The following NALCN variants were observed in gnomAD, a reference collection of about 807,000 sequenced individuals.
The protein encoded by NALCN is sodium leak channel, non-selective, also known as sodium leak channel NALCN.
NALCN carries 111 observed loss-of-function variants against 225.3 expected under a neutral mutation model. That is an observed-to-expected ratio of 0.49 (90% CI 0.42 to 0.58). NALCN has a LOEUF of 0.58. NALCN is among the 20% of genes least tolerant of loss of function. NALCN has a pLI of 0.00. For missense variants in NALCN, 1,378 were observed against 2,202.4 expected (o/e 0.63, Z 7.49); for synonymous variants, 764 against 769.0 (o/e 0.99, Z 0.11).
intron 10 of NALCN, among the ~76,000 whole-genome samples, chr13:101,263,012 C>T (rs555606722): frequency 3.3e-5 from 5 of 152,180 alleles, no homozygotes; most frequent in African/African-American, 7.2e-5. Context: ...TTTTTCTGTT[C>T]GGGAATGAGA....
At chr13:101,232,800 T>C (rs553602955) in intron 12 of NALCN, among the ~76,000 whole-genome samples, 2 of 152,288 alleles carry the variant, frequency 1.3e-5, no homozygotes, top group African/African-American at 4.8e-5. Flanking sequence ...TACTCTCAGA[T>C]AATCTTTACA....
chr13:101,340,372 C>A (rs1158744535), intron 7 of NALCN, among the ~76,000 whole-genome samples: 1 of 152,190 alleles, frequency 6.6e-6, no homozygotes, highest in South Asian at 2.1e-4. Context: ...CAAAGGGAAT[C>A]ATATCAGATG....
chr13:101,122,824 C>A (rs76270702), intron 18 of NALCN, among the ~76,000 whole-genome samples: 2,515 of 152,260 alleles, frequency 0.017, 34 homozygotes, highest in Middle Eastern at 0.031. Context: ...CATGTTATTT[C>A]TAAGGCCTAA....
chr13:101,272,777 T>C lies in NALCN; in HGVS notation c.1134+11156A>G, dbSNP rs140890186. 4.2e-4 allele frequency among the ~76,000 whole-genome samples: 64 copies of C among 152,302 alleles called. 1 individual carries two copies. Among genetic ancestry groups the C allele is most frequent in the African/African-American group, 1.5e-3 (63 of 41,566 alleles). Reference sequence around the variant, plus strand: ...TGCGTTCTGGAGGGAACCTACATTCTCATGGGCTCCATCAATTCTTGAAAT... The same window carrying C: ...TGCGTTCTGGAGGGAACCTACATTCCCATGGGCTCCATCAATTCTTGAAAT... On this transcript the variant is annotated intron_variant, in intron 10 of 43. Coordinates refer to ENST00000251127, the MANE Select transcript of NALCN (RefSeq NM_052867.4).
At chr13:101,175,001 C>G (rs2038899091) in intron 15 of NALCN, among the ~76,000 whole-genome samples, 1 of 152,108 alleles carries the variant, frequency 6.6e-6, no homozygotes, top group African/African-American at 2.4e-5. Flanking sequence ...CTTGAATTCA[C>G]CTATTAGATA....
Position 101,412,391 on chromosome 13 carries a change from T to G in NALCN, c.-40+3922A>C, listed in dbSNP as rs145052436. 2.1e-3 allele frequency among the ~76,000 whole-genome samples: 317 copies of G among 152,336 alleles called. 5 individuals are homozygous for G. The highest frequency in any genetic ancestry group is 7.3e-3 in the African/African-American group (305 of 41,584). On this transcript the variant is annotated intron_variant, in intron 1 of 43. Coordinates refer to ENST00000251127, the MANE Select transcript of NALCN (RefSeq NM_052867.4). ...CACTCTTGATCTCTTCATAAATGAT[T>G]CTCTTGGCTTCAGTGTTCTGGTCTA...
rs116059168 is a variant in NALCN, at chr13:101,075,006, G to A, written c.3955-344C>T. Among the ~76,000 whole-genome samples, 1,265 of 152,104 alleles carry A rather than the reference G, an allele frequency of 8.3e-3. 21 individuals are homozygous for A. The highest frequency in any genetic ancestry group is 0.028 in the African/African-American group (1,147 of 41,476). ...TGCTCCTCAATTCTCTATGATAAGG[G>A]CTACACATTTTTGACTGACAGCAAG... On this transcript the variant is annotated intron_variant, in intron 35 of 43. Transcript: ENST00000251127.
intron 15 of NALCN, among the ~76,000 whole-genome samples, chr13:101,168,976 A>G (rs1225518707): frequency 6.6e-6 from 1 of 152,006 alleles, no homozygotes; most frequent in African/African-American, 2.4e-5. Context: ...GCACTACTCA[A>G]CCTCCAGATT....
At chr13:101,083,913 AC>A in intron 30 of NALCN, 109 bp from the exon 31 acceptor site, 1 of 942,168 alleles carries the variant, frequency 1.1e-6, no homozygotes, top group Non-Finnish European at 1.5e-6. Flanking sequence ...GCTTGCACTG[AC>A]CATGTTCTTC....
At position 101,276,562 on chromosome 13, in the gene NALCN, G is replaced by A. The variant is rs189594147; in HGVS notation, c.1134+7371C>T. On this transcript the variant is annotated intron_variant, in intron 10 of 43. Coordinates refer to ENST00000251127, the MANE Select transcript of NALCN (RefSeq NM_052867.4). ...CACTTCAAGGGCACCAGATTGAATC[G>A]TTTCCTTGCATGCCTGCATATGGTT... Among the ~76,000 whole-genome samples, 198 of 152,256 alleles carry A rather than the reference G, an allele frequency of 1.3e-3. 1 individual carries two copies. Among genetic ancestry groups the A allele is most frequent in the Admixed American group, 3.3e-3 (51 of 15,290 alleles).
intron 34 of NALCN, among the ~76,000 whole-genome samples, chr13:101,080,570 C>T (rs1463249900): frequency 7.1e-4 from 78 of 109,614 alleles, no homozygotes; most frequent in African/African-American, 3.2e-3. Flanking sequence ...TAATTATAAC[C>T]AAATAATTAT....
chr13:101,324,808 C>T (rs958021452), intron 7 of NALCN, among the ~76,000 whole-genome samples: 1 of 152,150 alleles, frequency 6.6e-6, no homozygotes, highest in Admixed American at 6.6e-5. Context: ...ACTTCCAACA[C>T]TATGTTGAAT....
chr13:101,055,581 T>G, intron 43 of NALCN, 93 bp from the exon 44 acceptor site: 1 of 1,149,656 alleles, frequency 8.7e-7, no homozygotes, highest in Non-Finnish European at 1.2e-6. Flanking sequence ...TCAGTGATAC[T>G]TTTGGCTAAC....
chr13:101,095,226 G>A (rs956838834), intron 28 of NALCN, among the ~76,000 whole-genome samples: 2 of 152,102 alleles, frequency 1.3e-5, no homozygotes, highest in Non-Finnish European at 2.9e-5. Flanking sequence ...CTCCTTTAAA[G>A]ATATAAACTC....
intron 37 of NALCN, among the ~76,000 whole-genome samples, chr13:101,071,388 T>C (rs1034214860): frequency 1.3e-5 from 2 of 152,224 alleles, no homozygotes; most frequent in African/African-American, 4.8e-5. Flanking sequence ...CATTGTTTAG[T>C]GTAGCCACCT....
At chr13:101,267,333 G>T (rs1439324111) in intron 10 of NALCN, among the ~76,000 whole-genome samples, 1 of 152,134 alleles carries the variant, frequency 6.6e-6, no homozygotes, top group Admixed American at 6.5e-5. Context: ...AGTAATGGCT[G>T]GTGTGAAAGA....
At chr13:101,277,658 T>C (rs1211887901) in intron 10 of NALCN, among the ~76,000 whole-genome samples, 2 of 152,252 alleles carry the variant, frequency 1.3e-5, no homozygotes, top group African/African-American at 2.4e-5. Context: ...ATTTATTCTT[T>C]ATTCATTCAT....
chr13:101,305,231 T>C (rs2044117232), intron 7 of NALCN, among the ~76,000 whole-genome samples: 2 of 152,204 alleles, frequency 1.3e-5, no homozygotes, highest in Non-Finnish European at 2.9e-5. Context: ...GAGTTGAATG[T>C]TGTATCCAAC....
chr13:101,149,619 G>A lies in NALCN; in HGVS notation c.1840-4723C>T, dbSNP rs181861843. ...CGCTGTGAAACTACAAAGAACAGAC[G>A]GGAAGCTCTTTTTGGAGACTCAGAA... On this transcript the variant is annotated intron_variant, in intron 15 of 43. Coordinates refer to ENST00000251127, the MANE Select transcript of NALCN (RefSeq NM_052867.4). Among the ~76,000 whole-genome samples, 320 of 152,318 alleles carry A rather than the reference G, an allele frequency of 2.1e-3. 1 individual carries two copies. The highest frequency in any genetic ancestry group is 0.017 in the Middle Eastern group (5 of 294).
Sources: allele counts gnomAD v4.1 joint callset (sites outside exome capture counted in the v4.1 genomes callset), GRCh38; gene constraint gnomAD v4.1.1; transcripts MANE v1.5; gene names NCBI Gene and HGNC (gene_info 2026-07-23, HGNC 2026-07-21).